AIM2: variants seen among roughly 807,000 people sequenced by gnomAD.
The protein encoded by AIM2 is absent in melanoma 2.
AIM2 carries 30 observed loss-of-function variants against 27.7 expected under a neutral mutation model. The ratio of observed to expected loss-of-function variants is 1.08; its 90% CI spans 0.81 to 1.47. AIM2 has a LOEUF of 1.47. Among genes scored for constraint, AIM2 ranks in the 40% most tolerant of loss-of-function variants. The pLI is 0.00. For missense variants in AIM2, 358 were observed against 411.3 expected, an observed-to-expected ratio of 0.87 and a Z score of 1.12; for synonymous variants, 141 against 145.3, an observed-to-expected ratio of 0.97 and a Z score of 0.21.
At chr1:159,111,816 TATCTATCTATCTATC>T (rs1298043638) in intron 1 of AIM2, among the ~76,000 whole-genome samples, 17 of 132,034 alleles carry the variant, frequency 1.3e-4, no homozygotes, top group African/African-American at 3.9e-4. Context: ...AAAAAAAAAC[TATCTATCTATCTATC>T]ATCTATCTAT....
At chr1:159,072,048 A>G (rs1656383417) in intron 2 of AIM2, among the ~76,000 whole-genome samples, 1 of 152,238 alleles carries the variant, frequency 6.6e-6, no homozygotes, top group African/African-American at 2.4e-5. Flanking sequence ...TACCAAAATA[A>G]AAGATATTTC....
intron 1 of AIM2, among the ~76,000 whole-genome samples, chr1:159,084,423 T>C (rs1170269848): frequency 6.6e-6 from 1 of 152,028 alleles, no homozygotes; most frequent in East Asian, 1.9e-4. Context: ...AGATTCCTAC[T>C]GCAAACAACA....
chr1:159,092,891 TG>T (rs1413442247), intron 1 of AIM2, among the ~76,000 whole-genome samples: 1 of 151,978 alleles, frequency 6.6e-6, no homozygotes, highest in Non-Finnish European at 1.5e-5. Context: ...CTGAGTATGG[TG>T]GTGGGCACCT....
At chr1:159,143,581 T>TAC (rs6143439), upstream of AIM2, among the ~76,000 whole-genome samples, 2,775 of 144,070 alleles carry the variant, frequency 0.019, 50 homozygotes, top group Non-Finnish European at 0.024. Flanking sequence ...GCTCAGTGTG[T>TAC]ACACACACAC....
intron 1 of AIM2, among the ~76,000 whole-genome samples, chr1:159,075,112 TAATA>T (rs779157690): frequency 9.9e-5 from 15 of 152,186 alleles, no homozygotes; most frequent in South Asian, 2.1e-4. Flanking sequence ...AAAAATGAAC[TAATA>T]AATAGAGTGT....
At chr1:159,069,417 TACACCA>T (rs1656254214) in intron 2 of AIM2, among the ~76,000 whole-genome samples, 1 of 152,094 alleles carries the variant, frequency 6.6e-6, no homozygotes, top group Admixed American at 6.5e-5. Context: ...ACAATAAAAA[TACACCA>T]ATTCTCTCTC....
At chr1:159,099,209 C>T (rs766271137) in intron 1 of AIM2, among the ~76,000 whole-genome samples, 4 of 151,836 alleles carry the variant, frequency 2.6e-5, no homozygotes, top group African/African-American at 4.8e-5. Context: ...GAAAATAGGT[C>T]GAAAATTGCA....
intron 1 of AIM2, among the ~76,000 whole-genome samples, chr1:159,103,800 C>T (rs1570965888): frequency 6.6e-6 from 1 of 152,108 alleles, no homozygotes; most frequent in East Asian, 1.9e-4. Flanking sequence ...AAATGAAATT[C>T]TAGGGGGAGT....
chr1:159,092,583 C>T (rs1657072169), intron 1 of AIM2, among the ~76,000 whole-genome samples: 2 of 152,098 alleles, frequency 1.3e-5, no homozygotes, highest in Admixed American at 1.3e-4. Context: ...GAGGTGAATC[C>T]TCATGTCCTA....
rs757192058 is a variant in AIM2 at position 159,063,543 on chromosome 1, T to A, written c.948A>T (p.Thr316=). 2.2e-5 allele frequency: 35 copies of A among 1,614,072 alleles called. No homozygotes were observed. In the South Asian group the frequency reaches 3.8e-4, roughly 18 times the overall value. ...EGDKVRLTFF[T]LSKNGEKLQL... The stretch of plus-strand genomic sequence containing the variant: ...GTAGTTTTTCTCCATTTTTTGACAG[T>A]GTGAAGAATGTAAGTCGAACCTTAT... Residue 316 remains threonine (T), a synonymous_variant, in exon 5 of 6, where the codon ACA becomes ACT. Coordinates refer to ENST00000368130, the MANE Select transcript of AIM2 (RefSeq NM_004833.3).
chr1:159,145,290 T>A (rs1648181982), upstream of AIM2, among the ~76,000 whole-genome samples: 1 of 152,162 alleles, frequency 6.6e-6, no homozygotes, highest in South Asian at 2.1e-4. Context: ...TCCAGACACT[T>A]CATCTTCAGG....
intron 1 of AIM2, among the ~76,000 whole-genome samples, chr1:159,089,484 G>A (rs1657000056): frequency 6.6e-6 from 1 of 152,190 alleles, no homozygotes; most frequent in African/African-American, 2.4e-5. Context: ...CATAAAGCAT[G>A]TCACTTGCTT....
At position 159,112,934 on chromosome 1, in the gene AIM2, C is replaced by CATAT. The variant is rs71659252; in HGVS notation, c.-16+27493_-16+27496dup. Reference sequence around the variant, plus strand: ...ATGTTTCAAACCTAATATATACATACATATATATATATATATAATTTTTTT... The same window carrying CATAT: ...ATGTTTCAAACCTAATATATACATACATATATATATATATATATATAATTTTTTT... On this transcript the variant is annotated intron_variant, in intron 1 of 2. Coordinates refer to the AIM2 transcript ENST00000368129. Among the ~76,000 whole-genome samples the CATAT allele has an allele frequency of 3.0e-3, 439 of 146,532 alleles. 1 individual carries two copies. Among genetic ancestry groups the CATAT allele is most frequent in the African/African-American group, 7.9e-3 (310 of 39,146 alleles).
chr1:159,085,698 G>A (rs1656894369), intron 1 of AIM2, among the ~76,000 whole-genome samples: 1 of 152,194 alleles, frequency 6.6e-6, no homozygotes, highest in African/African-American at 2.4e-5. Context: ...GAAGGGGGCA[G>A]GCCTCCAAGC....
At chr1:159,055,569 C>T in the AIM2 span, among the ~76,000 whole-genome samples, 2 of 152,192 alleles carry the variant, frequency 1.3e-5, no homozygotes, top group South Asian at 2.1e-4. Flanking sequence ...TGGTTTTATG[C>T]ATTTCCTCAA....
At chr1:159,095,780 T>C (rs973839127) in intron 1 of AIM2, among the ~76,000 whole-genome samples, 1 of 152,174 alleles carries the variant, frequency 6.6e-6, no homozygotes, top group Admixed American at 6.5e-5. Flanking sequence ...ACATTGTATA[T>C]TATCAAGAGT....
At chr1:159,142,321 C>G (rs1366413179), upstream of AIM2, among the ~76,000 whole-genome samples, 5 of 152,170 alleles carry the variant, frequency 3.3e-5, no homozygotes, top group Non-Finnish European at 5.9e-5. Flanking sequence ...AGCATCTTCA[C>G]TAGAATTAAG....
chr1:159,087,434 G>A (rs945150272), intron 1 of AIM2, among the ~76,000 whole-genome samples: 1 of 152,048 alleles, frequency 6.6e-6, no homozygotes, highest in Non-Finnish European at 1.5e-5. Flanking sequence ...GACAAGGATG[G>A]GGGGATCAGG....
chr1:159,144,274 A>C (rs985681087), upstream of AIM2, among the ~76,000 whole-genome samples: 1 of 152,024 alleles, frequency 6.6e-6, no homozygotes, highest in Admixed American at 6.6e-5. Flanking sequence ...TTCCAGCAAA[A>C]ATGCCCCCCA....
Sources: gnomAD v4.1 joint callset for allele counts (sites outside exome capture counted in the v4.1 genomes callset) on GRCh38, gnomAD v4.1.1 for gene constraint, MANE v1.5 for transcripts, NCBI Gene and HGNC (gene_info 2026-07-23, HGNC 2026-07-21) for gene names.